FAM193A: variants seen among roughly 807,000 people sequenced by gnomAD.
FAM193A encodes protein FAM193A.
A neutral mutation model predicts 126.5 loss-of-function variants in FAM193A; 22 were observed. The observed-to-expected ratio is 0.17, with a 90% CI of 0.12 to 0.25. The LOEUF (loss-of-function observed/expected upper bound fraction) is 0.25, where lower values mean the gene tolerates loss of function less well. FAM193A is among the 10% of genes least tolerant of loss of function. The pLI, the probability that FAM193A is intolerant of heterozygous loss-of-function variation, is 1.00. For synonymous variants in FAM193A, 761 were observed against 646.8 expected, an observed-to-expected ratio of 1.18 and a Z score of -2.68; for missense variants, 1,675 against 1,672.8, an observed-to-expected ratio of 1.00 and a Z score of -0.02.
At chr4:2,541,525 A>G (rs1737232551) in intron 1 of FAM193A, among the ~76,000 whole-genome samples, 1 of 148,324 alleles carries the variant, frequency 6.7e-6, no homozygotes, top group South Asian at 2.1e-4. Flanking sequence ...GACTCACTGC[A>G]ACCTCCACCT....
intron 2 of FAM193A, among the ~76,000 whole-genome samples, chr4:2,603,597 C>T (rs962829224): frequency 8.0e-5 from 12 of 150,098 alleles, no homozygotes; most frequent in African/African-American, 2.9e-4. Flanking sequence ...GCTGGGACTA[C>T]GGGTGCATGC....
intron 20 of FAM193A, among the ~76,000 whole-genome samples, chr4:2,727,195 G>T (rs1044401036): frequency 6.6e-6 from 1 of 151,838 alleles, no homozygotes; most frequent in African/African-American, 2.4e-5. Context: ...GGAGGCGGAG[G>T]TTGCAATGAG....
At chr4:2,638,829 T>A (rs1339920395) in intron 5 of FAM193A, among the ~76,000 whole-genome samples, 1 of 152,222 alleles carries the variant, frequency 6.6e-6, no homozygotes, top group Non-Finnish European at 1.5e-5. Flanking sequence ...CTCCATCAAC[T>A]CAGCTTGGCT....
chr4:2,554,390 ATCTC>A (rs1047843125), intron 1 of FAM193A, among the ~76,000 whole-genome samples: 1 of 152,102 alleles, frequency 6.6e-6, no homozygotes, highest in Non-Finnish European at 1.5e-5. Flanking sequence ...GGCCACCTGT[ATCTC>A]TCTATTACTG....
chr4:2,667,828 C>T (rs565715924), intron 12 of FAM193A, among the ~76,000 whole-genome samples: 72 of 152,010 alleles, frequency 4.7e-4, no homozygotes, highest in African/African-American at 1.7e-3. Flanking sequence ...TTAGTGGCTG[C>T]TGTAGGGTTA....
At chr4:2,726,469 GAA>G (rs2109424391) in intron 20 of FAM193A, among the ~76,000 whole-genome samples, 1 of 152,216 alleles carries the variant, frequency 6.6e-6, no homozygotes, top group South Asian at 2.1e-4. Context: ...AAAAAAAAGG[GAA>G]ACTGCCTTCT....
chr4:2,561,291 C>T (rs1363945307), intron 1 of FAM193A, among the ~76,000 whole-genome samples: 1 of 151,478 alleles, frequency 6.6e-6, no homozygotes, highest in East Asian at 1.9e-4. Flanking sequence ...AGGCAGTTCT[C>T]CCATGTCAGC....
intron 13 of FAM193A, among the ~76,000 whole-genome samples, chr4:2,687,999 C>G (rs1486392284): frequency 6.6e-6 from 1 of 152,200 alleles, no homozygotes; most frequent in East Asian, 1.9e-4. Context: ...CTTAAGAACC[C>G]TCCAGGGAAC....
At chr4:2,539,629 A>G (rs568289606) in intron 1 of FAM193A, among the ~76,000 whole-genome samples, 8 of 150,506 alleles carry the variant, frequency 5.3e-5, no homozygotes, top group Non-Finnish European at 1.2e-4. Flanking sequence ...CTTGTCTTGA[A>G]CTCTTGACCT....
In FAM193A at chr4:2,625,346, A is replaced by C. The variant is rs1230250558; in HGVS notation, c.586A>C (p.Thr196Pro). The stretch of plus-strand genomic sequence containing the variant: ...TGGGAGGCTCGCTCTGGGTGCACAG[A>C]CGCTGCCTTCAGACACCGCATGCTC... ...SGGRLALGAQTLPSDTACSCE... is the reference protein window; with the variant it reads ...SGGRLALGAQPLPSDTACSCE... Residue 196 changes from threonine (T) to proline (P), a missense_variant, in exon 3 of 21, where the codon ACG becomes CCG. Thr to Pro is a conservative substitution (Grantham distance 38). Transcript: ENST00000637812. The C allele has an allele frequency of 2.8e-6, 2 of 702,796 alleles. No homozygotes were observed. Among genetic ancestry groups the C allele is most frequent in the East Asian group, 2.7e-5 (1 of 37,296 alleles). The allele number at this position is 702,796 out of a possible 1,614,324, so 43.5% of individuals were successfully genotyped here. A position where few individuals can be genotyped will look rare whatever the true frequency, so the allele number is the denominator to read the frequency against.
Position 2,693,889 on chromosome 4 carries a change from G to T in FAM193A, c.3092+15G>T, listed in dbSNP as rs1178469863. 6.2e-7 allele frequency: 1 copy of T among 1,606,988 alleles called. No individual in the cohort carries two copies. Among genetic ancestry groups the T allele is most frequent in the Non-Finnish European group, 8.5e-7 (1 of 1,175,134 alleles). On this transcript the variant is annotated intron_variant, in intron 16 of 20. Transcript: ENST00000637812. ...AGTGTCTGCAGGTGAGCCAAGTCCT[G>T]ACTGGGGACGTGGGAGCACTTTGGA...
chr4:2,535,541 G>A (rs1045716867), upstream of FAM193A, among the ~76,000 whole-genome samples: 1 of 152,248 alleles, frequency 6.6e-6, no homozygotes, highest in Non-Finnish European at 1.5e-5. Flanking sequence ...GGTAAGCGGG[G>A]CCCTCCAGGG....
chr4:2,556,217 T>A (rs1216648937), intron 1 of FAM193A, among the ~76,000 whole-genome samples: 1 of 147,636 alleles, frequency 6.8e-6, no homozygotes, highest in African/African-American at 2.5e-5. Context: ...GTCCTTTTTT[T>A]GTTGTTGTTG....
intron 1 of FAM193A, among the ~76,000 whole-genome samples, chr4:2,544,517 A>G (rs971614592): frequency 1.3e-5 from 2 of 152,174 alleles, no homozygotes; most frequent in South Asian, 2.1e-4. Flanking sequence ...CCTGGCCAAC[A>G]TGGTAAAACC....
chr4:2,605,482 G>A (rs570725807), intron 2 of FAM193A, among the ~76,000 whole-genome samples: 1 of 152,234 alleles, frequency 6.6e-6, no homozygotes, highest in East Asian at 1.9e-4. Context: ...TTCATTGCTA[G>A]ATGCCATCCT....
intron 19 of FAM193A, among the ~76,000 whole-genome samples, chr4:2,714,607 G>A (rs1255526291): frequency 2.0e-5 from 3 of 152,028 alleles, no homozygotes. Flanking sequence ...CATAGAGCAG[G>A]TCCCTAGAGA....
intron 7 of FAM193A, 127 bp downstream of exon 7, chr4:2,646,959 A>C: frequency 9.7e-7 from 1 of 1,032,854 alleles, no homozygotes. Context: ...CCAGAGGCGC[A>C]TGTGGGTAGC....
At chr4:2,625,492 A>G (rs770628383) in intron 3 of FAM193A, 97 bp downstream of exon 3, 21 of 581,458 alleles carry the variant, frequency 3.6e-5, no homozygotes, top group Non-Finnish European at 6.0e-5. Flanking sequence ...AATGTGACAG[A>G]CAGCAACAAG....
chr4:2,593,148 C>T (rs973318766), intron 1 of FAM193A, among the ~76,000 whole-genome samples: 7 of 152,186 alleles, frequency 4.6e-5, no homozygotes, highest in Non-Finnish European at 8.8e-5. Context: ...ATACTTGTCC[C>T]TAGCTCTTCT....
Sources: gnomAD v4.1 joint callset for allele counts (sites outside exome capture counted in the v4.1 genomes callset) on GRCh38, gnomAD v4.1.1 for gene constraint, MANE v1.5 for transcripts, NCBI Gene and HGNC (gene_info 2026-07-23, HGNC 2026-07-21) for gene names.